ROBO2: variants seen among roughly 807,000 people sequenced by gnomAD.
ROBO2 encodes the protein roundabout guidance receptor 2.
ROBO2 carries 53 observed loss-of-function variants against 160.8 expected under a neutral mutation model. The ratio of observed to expected loss-of-function variants is 0.33; its 90% confidence interval spans 0.26 to 0.41. The LOEUF is 0.41. Among genes scored for constraint, ROBO2 ranks in the 10% least tolerant of loss-of-function variants. The pLI is 1.00. For synonymous variants in ROBO2, 664 were observed against 611.7 expected (o/e 1.09, Z -1.26); for missense variants, 1,577 against 1,722.4 (o/e 0.92, Z 1.49).
chr3:76,220,407 G>A (rs62267435), intron 2 of ROBO2, among the ~76,000 whole-genome samples: 50,695 of 151,700 alleles, frequency 0.33, 9,374 homozygotes, highest in Non-Finnish European at 0.41. Flanking sequence ...TTTAGGGGGT[G>A]ACTAGGATGT....
chr3:76,838,685 C>A (rs369284622), intron 2 of ROBO2, among the ~76,000 whole-genome samples: 19 of 152,168 alleles, frequency 1.2e-4, no homozygotes, highest in African/African-American at 3.4e-4. Context: ...TTGCTTATCT[C>A]CATTCGTAAA....
At chr3:77,222,116 G>C (rs1343705415) in intron 2 of ROBO2, among the ~76,000 whole-genome samples, 1 of 151,996 alleles carries the variant, frequency 6.6e-6, no homozygotes, top group Non-Finnish European at 1.5e-5. Flanking sequence ...CTCCCAAAGT[G>C]CTGGGATTAC....
intron 2 of ROBO2, among the ~76,000 whole-genome samples, chr3:75,971,051 T>TA (rs1197002478): frequency 1.5e-4 from 23 of 149,668 alleles, no homozygotes; most frequent in East Asian, 5.9e-4. Context: ...CTTCTTAAAA[T>TA]AAAAAAAAAA....
intron 2 of ROBO2, among the ~76,000 whole-genome samples, chr3:77,354,795 C>T (rs1485038342): frequency 6.6e-6 from 1 of 152,102 alleles, no homozygotes; most frequent in Non-Finnish European, 1.5e-5. Context: ...TGAAAAGTCA[C>T]ACATGGCTGG....
intron 2 of ROBO2, among the ~76,000 whole-genome samples, chr3:76,558,607 C>T (rs996051051): frequency 6.6e-6 from 1 of 151,918 alleles, no homozygotes; most frequent in Non-Finnish European, 1.5e-5. Context: ...TGAATTTATA[C>T]TTTGATTTTC....
chr3:77,433,844 T>C (rs1375977479), intron 2 of ROBO2, among the ~76,000 whole-genome samples: 1 of 151,970 alleles, frequency 6.6e-6, no homozygotes, highest in African/African-American at 2.4e-5. Context: ...CTTGTGTCAG[T>C]TTTGTCCCTT....
chr3:76,062,915 G>T (rs2068115727), intron 2 of ROBO2, among the ~76,000 whole-genome samples: 1 of 152,100 alleles, frequency 6.6e-6, no homozygotes, highest in South Asian at 2.1e-4. Flanking sequence ...GTTAATATAG[G>T]AGAAAATTAT....
chr3:77,379,621 T>G (rs2073169891), intron 2 of ROBO2, among the ~76,000 whole-genome samples: 1 of 152,212 alleles, frequency 6.6e-6, no homozygotes, highest in African/African-American at 2.4e-5. Context: ...ATGAACATTT[T>G]AAAAATAATA....
chr3:76,069,239 C>T (rs768660366), intron 2 of ROBO2, among the ~76,000 whole-genome samples: 1 of 152,136 alleles, frequency 6.6e-6, no homozygotes, highest in South Asian at 2.1e-4. Context: ...CTGATTTTCT[C>T]CCTAAACCTG....
chr3:77,316,520 C>T (rs1388632445), intron 2 of ROBO2, among the ~76,000 whole-genome samples: 2 of 152,136 alleles, frequency 1.3e-5, no homozygotes, highest in Admixed American at 1.3e-4. Context: ...TGGCATCTCA[C>T]AGGGGCTACC....
At chr3:76,939,978 G>GTTTTTT (rs2078048454) in intron 2 of ROBO2, among the ~76,000 whole-genome samples, 11 of 81,452 alleles carry the variant, frequency 1.4e-4, no homozygotes, top group East Asian at 3.7e-4. Flanking sequence ...AAAGCAACAG[G>GTTTTTT]ATTTTTTTTT....
intron 2 of ROBO2, among the ~76,000 whole-genome samples, chr3:76,408,732 G>T (rs1218080024): frequency 6.6e-6 from 1 of 152,024 alleles, no homozygotes; most frequent in African/African-American, 2.4e-5. Context: ...GAAAATAAAA[G>T]ATAGATAAAA....
At chr3:76,510,847 A>T (rs2081050375) in intron 2 of ROBO2, among the ~76,000 whole-genome samples, 1 of 152,228 alleles carries the variant, frequency 6.6e-6, no homozygotes, top group South Asian at 2.1e-4. Flanking sequence ...TTAGCTTCTC[A>T]ATGAACACAT....
At chr3:77,040,068 C>T (rs2063938516) in exon 1 of ROBO2, 2 of 744,168 alleles carry the variant, frequency 2.7e-6, no homozygotes, top group Non-Finnish European at 3.3e-6. Flanking sequence ...CCCTCCCTCC[C>T]TCCCTCGCTC....
intron 2 of ROBO2, among the ~76,000 whole-genome samples, chr3:76,932,721 AT>A (rs1235212879): frequency 6.6e-6 from 1 of 152,192 alleles, no homozygotes; most frequent in Non-Finnish European, 1.5e-5. Context: ...CAGTACTTAT[AT>A]GTTGTATTAT....
intron 2 of ROBO2, among the ~76,000 whole-genome samples, chr3:77,217,433 A>T (rs2085128954): frequency 6.6e-6 from 1 of 152,092 alleles, no homozygotes; most frequent in African/African-American, 2.4e-5. Flanking sequence ...ATGGGCCACC[A>T]TGCCTGGCCG....
intron 6 of ROBO2, among the ~76,000 whole-genome samples, chr3:77,538,324 G>A (rs1475029538): frequency 1.3e-5 from 2 of 151,538 alleles, no homozygotes; most frequent in African/African-American, 2.4e-5. Context: ...GACTACAGTC[G>A]CCGCCACGAC....
chr3:77,133,795 A>G lies in ROBO2; in HGVS notation c.388+35455A>G, dbSNP rs930822849. ...ATATAGTAATTTTTAGTGTCCTACC[A>G]TATTTGTTTGTTATATATGTTGGGA... is the stretch of plus-strand genomic sequence containing the variant. On this transcript the variant is annotated intron_variant, in intron 2 of 25. Coordinates refer to ENST00000461745, the Ensembl canonical transcript of ROBO2. Among the ~76,000 whole-genome samples the G allele has an allele frequency of 7.9e-5, 12 of 152,336 alleles. No homozygotes were observed. In the East Asian group the frequency reaches 2.1e-3, roughly 27 times the overall value.
chr3:76,567,628 TATATATATATATATATATATATATACAC>T (rs1560162421), intron 2 of ROBO2, among the ~76,000 whole-genome samples: 1 of 72,158 alleles, frequency 1.4e-5, no homozygotes, highest in Non-Finnish European at 2.9e-5. Flanking sequence ...CTGATATATA[TATATATATATATATATATATATATACAC>T]ATACACATAT....
Sources: allele counts gnomAD v4.1 joint callset (sites outside exome capture counted in the v4.1 genomes callset), GRCh38; gene constraint gnomAD v4.1.1; transcripts MANE v1.5; gene names NCBI Gene and HGNC (gene_info 2026-07-23, HGNC 2026-07-21).